IFT140: variants seen among roughly 807,000 people sequenced by gnomAD.
The protein encoded by IFT140 is intraflagellar transport protein 140 homolog.
IFT140 carries 133 observed loss-of-function variants against 164.6 expected under a neutral mutation model. The observed-to-expected ratio is 0.81, with a 90% CI of 0.70 to 0.93. The LOEUF is 0.93. IFT140 is among the 40% of genes least tolerant of loss of function. The pLI, the probability that IFT140 is intolerant of heterozygous loss-of-function variation, is 0.00. For missense variants in IFT140, 2,045 were observed against 1,972.3 expected, an observed-to-expected ratio of 1.04 and a Z score of -0.70; for synonymous variants, 860 against 817.3, an observed-to-expected ratio of 1.05 and a Z score of -0.89.
intron 14 of IFT140, among the ~76,000 whole-genome samples, chr16:1,569,948 C>A (rs1352523885): frequency 6.6e-6 from 1 of 152,030 alleles, no homozygotes. Flanking sequence ...CCGCATCTGG[C>A]CTGCTTTATT....
intron 18 of IFT140, among the ~76,000 whole-genome samples, chr16:1,559,470 A>C (rs1457235336): frequency 1.3e-5 from 2 of 152,192 alleles, no homozygotes; most frequent in African/African-American, 4.8e-5. Flanking sequence ...CATACCTCGG[A>C]GAAACTAGGC....
rs1308836269 is a variant in IFT140, at chr16:1,525,470, T to G, written c.2769-144A>C. The stretch of plus-strand genomic sequence containing the variant: ...TCCTGGCCTGCAGCTCTGCAGACCC[T>G]GAGCACACGTGGCCAGGGGGCAGTG... On this transcript the variant is annotated intron_variant, in intron 21 of 30. Transcript: ENST00000426508. The G allele has an allele frequency of 8.9e-6, 6 of 674,146 alleles. No individual in the cohort carries two copies. In the African/African-American group the frequency reaches 8.9e-5, roughly 10 times the overall value. The allele number at this position is 674,146 out of a possible 1,614,324, so 41.8% of individuals were successfully genotyped here.
In IFT140 at chr16:1,531,278, A is replaced by G. The variant is rs1384234822; in HGVS notation, c.2400-4482T>C. On this transcript the variant is annotated intron_variant, in intron 19 of 30. Transcript: ENST00000426508. The surrounding 1 kb of genome is among the most constrained non-coding windows in gnomAD (Gnocchi z 4.7). ...CACTTCATCAGCCCCGAGGCACTGG[A>G]ACAAGAAGCAGATGGGCGGCAGGGG... 1.3e-5 allele frequency: 2 copies of G among 152,212 alleles called. No homozygotes were observed. Among genetic ancestry groups the G allele is most frequent in the Non-Finnish European group, 2.9e-5 (2 of 68,058 alleles). 9.4% of individuals were successfully genotyped at this position (152,212 alleles called of 1,614,324 possible).
rs556395210 is a variant in IFT140, at chr16:1,540,933, T to A, written c.2400-14137A>T. ...AGTGTCTGTCAGCACACACATTGTCTGCTCTGCAGCGTGCAGGGGCCTGGG... is the reference window on the plus strand; with the variant it reads ...AGTGTCTGTCAGCACACACATTGTCAGCTCTGCAGCGTGCAGGGGCCTGGG... On this transcript the variant is annotated intron_variant, in intron 19 of 30. Transcript: ENST00000426508. 17 of 985,450 alleles carry A rather than the reference T, an allele frequency of 1.7e-5. No homozygotes were observed. The African/African-American group carries it at 2.4e-4, about 14-fold the overall frequency. The allele number at this position is 985,450 out of a possible 1,614,324, so 61.0% of individuals were successfully genotyped here. A position where few individuals can be genotyped will look rare whatever the true frequency, so the allele number is the denominator to read the frequency against.
intron 19 of IFT140, among the ~76,000 whole-genome samples, chr16:1,546,741 G>A (rs1402976890): frequency 1.3e-5 from 2 of 152,166 alleles, no homozygotes; most frequent in Non-Finnish European, 2.9e-5. Context: ...CACAGGGCCC[G>A]GGCCTCAGGG....
chr16:1,540,455 G>C (rs904372774), intron 19 of IFT140, among the ~76,000 whole-genome samples: 3 of 152,210 alleles, frequency 2.0e-5, no homozygotes, highest in African/African-American at 7.2e-5. Context: ...CCCCTGCTGG[G>C]CTGGCTTCCC....
rs2667683 is a variant in IFT140 at position 1,602,664 on chromosome 16, G to A, written c.148-73C>T. Reference sequence around the variant, plus strand: ...ACTTTTAAGAACTTCTGTCTAGGCCGGGCACGGCGGCTCACTCCTGTAATT... The same window carrying A: ...ACTTTTAAGAACTTCTGTCTAGGCCAGGCACGGCGGCTCACTCCTGTAATT... On this transcript the variant is annotated intron_variant, in intron 3 of 30. Transcript: ENST00000426508. 10,311 of 1,406,790 alleles carry A rather than the reference G, an allele frequency of 7.3e-3. 561 individuals carry two copies. The African/African-American group carries it at 0.12, about 16-fold the overall frequency. 87.1% of individuals were successfully genotyped at this position (1,406,790 alleles called of 1,614,324 possible). A position where few individuals can be genotyped will look rare whatever the true frequency, so the allele number is the denominator to read the frequency against.
rs2040127144 is a variant in IFT140, at chr16:1,511,058, C to T, written c.4275G>A (p.Arg1425=). Residue 1425 remains arginine, a synonymous_variant, in exon 31 of 31, where the codon CGG becomes CGA. Coordinates refer to ENST00000426508, the MANE Select transcript of IFT140 (RefSeq NM_014714.4). ...VSPQAVDAVH[R]GLGLPLPRTV... ...TGCGTGGCAGTGGGAGACCCAGCCC[C>T]CGGTGCACGGCGTCCACGGCCTGCG... The T allele has an allele frequency of 6.2e-7, 1 of 1,607,986 alleles. No individual in the cohort carries two copies. The highest frequency in any genetic ancestry group is 8.5e-7 in the Non-Finnish European group (1 of 1,177,196).
intron 6 of IFT140, among the ~76,000 whole-genome samples, chr16:1,591,118 A>T (rs756691251): frequency 6.6e-6 from 1 of 152,190 alleles, no homozygotes; most frequent in Non-Finnish European, 1.5e-5. Context: ...CACAAAGCCT[A>T]CAGCTCCCGG....
chr16:1,526,598 C>T (rs951758349), intron 20 of IFT140, 21 bp downstream of exon 20: 1 of 1,513,794 alleles, frequency 6.6e-7, no homozygotes, highest in Non-Finnish European at 8.8e-7. Flanking sequence ...TCCCACCCAC[C>T]CCATGGCGGG....
chr16:1,606,832 A>G (rs369276722), intron 3 of IFT140, among the ~76,000 whole-genome samples: 12 of 151,944 alleles, frequency 7.9e-5, no homozygotes, highest in South Asian at 2.1e-4. Flanking sequence ...CACCACACGC[A>G]CACACACACA....
chr16:1,511,143 C>A lies in IFT140; in HGVS notation c.4190G>T (p.Arg1397Ile). ...VRKEEYQTAY[R>I]FLEEMRRRLP... ...CCGCCGCCGCATCTCCTCCAGGAAT[C>A]TGTAGGCCTGGGGCAGAGGAGCAGA... Residue 1397 changes from arginine (R) to isoleucine (I), a missense_variant, in exon 31 of 31, where the codon AGA becomes ATA. Coordinates refer to ENST00000426508, the MANE Select transcript of IFT140 (RefSeq NM_014714.4). 6.2e-7 allele frequency: 1 copy of A among 1,605,550 alleles called. No homozygotes were observed. The highest frequency in any genetic ancestry group is 1.1e-5 in the South Asian group (1 of 89,368).
intron 27 of IFT140, 125 bp downstream of exon 27, chr16:1,520,477 C>T (rs1327582055): frequency 7.4e-7 from 1 of 1,349,182 alleles, no homozygotes; most frequent in Non-Finnish European, 1.0e-6. Flanking sequence ...TGGTTGTGCT[C>T]TTCCTGGCCA....
At chr16:1,526,428 G>A (rs1410114240) in intron 20 of IFT140, 191 bp downstream of exon 20, 13 of 644,360 alleles carry the variant, frequency 2.0e-5, no homozygotes, top group Non-Finnish European at 2.8e-5. Context: ...CTGGAGAGCC[G>A]GCGGTCGCCT....
intron 19 of IFT140, among the ~76,000 whole-genome samples, chr16:1,539,791 C>T (rs1472581527): frequency 1.3e-5 from 2 of 152,210 alleles, no homozygotes; most frequent in East Asian, 1.9e-4. Flanking sequence ...CAGCGTGCTC[C>T]GCTCTCCCCC....
chr16:1,514,101 C>A (rs1036601284), intron 30 of IFT140, among the ~76,000 whole-genome samples: 1 of 151,448 alleles, frequency 6.6e-6, no homozygotes, highest in Admixed American at 6.6e-5. Context: ...AGGTGCGGTA[C>A]CTCACGCCTG....
chr16:1,553,006 A>C lies in IFT140; in HGVS notation c.2399+4929T>G. ...TATCCAGGAGCTACCCATGTATAAG[A>C]AGCTCCATGAAGTATTATAAAGAAT... On this transcript the variant is annotated intron_variant, in intron 19 of 30. Transcript: ENST00000426508. This position sits in a 1 kb window ranked among gnomAD's most constrained non-coding sequence, Gnocchi z 4.4. 2.0e-6 allele frequency: 2 copies of C among 985,318 alleles called. No homozygotes were observed. Among genetic ancestry groups the C allele is most frequent in the Non-Finnish European group, 2.4e-6 (2 of 829,846 alleles). 61.0% of individuals were successfully genotyped at this position (985,318 alleles called of 1,614,324 possible). A position where few individuals can be genotyped will look rare whatever the true frequency, so the allele number is the denominator to read the frequency against.
At chr16:1,539,629 CAGTT>C (rs2031432045) in intron 19 of IFT140, among the ~76,000 whole-genome samples, 2 of 152,244 alleles carry the variant, frequency 1.3e-5, no homozygotes, top group Non-Finnish European at 2.9e-5. Flanking sequence ...TCTAACTCTG[CAGTT>C]ACTTTGGAGA....
chr16:1,513,478 C>G (rs967633775), intron 30 of IFT140, among the ~76,000 whole-genome samples: 1 of 151,780 alleles, frequency 6.6e-6, no homozygotes, highest in African/African-American at 2.4e-5. Context: ...TCCAGCTGGG[C>G]AACAGAGCAA....
Sources: gnomAD v4.1 joint callset for allele counts (sites outside exome capture counted in the v4.1 genomes callset) on GRCh38, gnomAD v4.1.1 for gene constraint, Gnocchi (gnomAD v3.1) non-coding constraint, MANE v1.5 for transcripts, NCBI Gene and HGNC (gene_info 2026-07-23, HGNC 2026-07-21) for gene names.